UBE2E2: variants seen among roughly 807,000 people sequenced by gnomAD.
The protein encoded by UBE2E2 is ubiquitin-conjugating enzyme E2 E2.
A neutral mutation model predicts 24.7 loss-of-function variants in UBE2E2; 6 were observed. The ratio of observed to expected loss-of-function variants is 0.24; its 90% CI spans 0.13 to 0.48. The LOEUF (loss-of-function observed/expected upper bound fraction) is 0.48, where lower values mean the gene tolerates loss of function less well. Ranked by LOEUF, UBE2E2 falls within the 20% of genes least tolerant of loss-of-function variation. The pLI, the probability that UBE2E2 is intolerant of heterozygous loss-of-function variation, is 0.99. For synonymous variants in UBE2E2, 104 were observed against 83.6 expected (o/e 1.24, Z -1.33); for missense variants, 169 against 245.0 (o/e 0.69, Z 2.07).
intron 5 of UBE2E2, among the ~76,000 whole-genome samples, chr3:23,578,238 C>T (rs1339080950): frequency 6.6e-6 from 1 of 152,146 alleles, no homozygotes; most frequent in Non-Finnish European, 1.5e-5. Context: ...GAGATATCAT[C>T]TCATGCCAGT....
intron 4 of UBE2E2, among the ~76,000 whole-genome samples, chr3:23,500,485 G>T (rs1332208371): frequency 6.6e-6 from 1 of 152,030 alleles, no homozygotes; most frequent in Non-Finnish European, 1.5e-5. Flanking sequence ...TAAATATTGT[G>T]TCGTCTCCAT....
intron 5 of UBE2E2, among the ~76,000 whole-genome samples, chr3:23,558,831 A>T (rs1695851491): frequency 6.6e-6 from 1 of 152,194 alleles, no homozygotes; most frequent in Admixed American, 6.5e-5. Flanking sequence ...GAGCTGAGGC[A>T]AGAGGGTCCC....
At chr3:23,226,406 G>A (rs1193866516) in intron 3 of UBE2E2, among the ~76,000 whole-genome samples, 8 of 151,980 alleles carry the variant, frequency 5.3e-5, no homozygotes, top group Non-Finnish European at 1.5e-5. Context: ...TTTAACTTTT[G>A]AAGGATTTCT....
At chr3:23,326,749 GTCCCATGTTGGTGC>G (rs1188164862) in intron 3 of UBE2E2, among the ~76,000 whole-genome samples, 2 of 152,184 alleles carry the variant, frequency 1.3e-5, no homozygotes, top group Admixed American at 6.5e-5. Flanking sequence ...ATGTGTACAT[GTCCCATGTTGGTGC>G]GCTGCACCCA....
intron 3 of UBE2E2, among the ~76,000 whole-genome samples, chr3:23,488,107 A>G (rs17013356): frequency 0.014 from 2,174 of 152,328 alleles, 53 homozygotes; most frequent in African/African-American, 0.05. Context: ...AGATGTTCTC[A>G]GCCAAAGAGA....
chr3:23,489,684 T>G (rs147729128), intron 3 of UBE2E2, among the ~76,000 whole-genome samples: 8 of 152,202 alleles, frequency 5.3e-5, no homozygotes, highest in Non-Finnish European at 8.8e-5. Context: ...TAAATACACA[T>G]GAAGCTTTGC....
intron 5 of UBE2E2, among the ~76,000 whole-genome samples, chr3:23,552,866 C>T (rs905486407): frequency 3.9e-5 from 6 of 152,124 alleles, no homozygotes; most frequent in African/African-American, 1.2e-4. Flanking sequence ...GTCTTTATTC[C>T]ATGCTGTTTT....
chr3:23,572,533 C>T (rs985584071), intron 5 of UBE2E2, among the ~76,000 whole-genome samples: 3 of 152,140 alleles, frequency 2.0e-5, no homozygotes, highest in African/African-American at 4.8e-5. Context: ...CCCCCTTCCC[C>T]GACTCTCACT....
At chr3:23,507,503 A>G (rs1694484263) in intron 4 of UBE2E2, among the ~76,000 whole-genome samples, 1 of 152,214 alleles carries the variant, frequency 6.6e-6, no homozygotes, top group Non-Finnish European at 1.5e-5. Context: ...GAATTAGTTA[A>G]ATGCATGTAA....
intron 3 of UBE2E2, among the ~76,000 whole-genome samples, chr3:23,268,934 C>G (rs1470656955): frequency 4.6e-5 from 7 of 152,012 alleles, no homozygotes; most frequent in South Asian, 2.1e-4. Flanking sequence ...ACAAACCTGA[C>G]AAAAACAAGC....
At chr3:23,566,649 G>A (rs771680384) in intron 5 of UBE2E2, among the ~76,000 whole-genome samples, 1 of 152,096 alleles carries the variant, frequency 6.6e-6, no homozygotes, top group Admixed American at 6.5e-5. Flanking sequence ...GAGCAAAAAC[G>A]AAAGCAAGAA....
At chr3:23,348,347 C>A (rs1376816964) in intron 3 of UBE2E2, among the ~76,000 whole-genome samples, 875 of 121,248 alleles carry the variant, frequency 7.2e-3, no homozygotes, top group African/African-American at 9.2e-3. Flanking sequence ...GTGCTGCTTT[C>A]AAAAAAAAAA....
chr3:23,468,358 G>A (rs1359720898), intron 3 of UBE2E2, among the ~76,000 whole-genome samples: 1 of 152,178 alleles, frequency 6.6e-6, no homozygotes, highest in Non-Finnish European at 1.5e-5. Context: ...GAGCAAAGAA[G>A]ACTGTACCTA....
chr3:23,258,875 A>G (rs759190179), intron 3 of UBE2E2, among the ~76,000 whole-genome samples: 113 of 139,756 alleles, frequency 8.1e-4, no homozygotes, highest in Non-Finnish European at 1.2e-3. Flanking sequence ...CCTGGGTGAC[A>G]GAGAGAGACT....
rs1698473108 is a variant in UBE2E2 at position 23,280,636 on chromosome 3, T to C, written c.227+63324T>C. On this transcript the variant is annotated intron_variant, in intron 3 of 5. Transcript: ENST00000396703. The surrounding 1 kb of genome is among the most constrained non-coding windows in gnomAD (Gnocchi z 4.3). ...CTCACTCAGAAATGGTGCCTTCTTT[T>C]GGTGGCATTTGCCATAATTGTCCTA... Among the ~76,000 whole-genome samples, 1 of 152,162 alleles carries C rather than the reference T, an allele frequency of 6.6e-6. No individual in the cohort carries two copies. The highest frequency in any genetic ancestry group is 2.4e-5 in the African/African-American group (1 of 41,436).
chr3:23,217,423 T>C lies in UBE2E2; in HGVS notation c.227+111T>C. On this transcript the variant is annotated intron_variant, in intron 3 of 5. Transcript: ENST00000396703. ...GTCTGATTAATTAGTAAAAACATCA[T>C]TGTTGTTTGAACTTAAGTGACTGTG... The C allele has an allele frequency of 5.0e-6, 5 of 995,020 alleles. No individual in the cohort carries two copies. The South Asian group carries it at 7.1e-5, about 14-fold the overall frequency. 61.6% of individuals were successfully genotyped at this position (995,020 alleles called of 1,614,324 possible). A position where few individuals can be genotyped will look rare whatever the true frequency, so the allele number is the denominator to read the frequency against.
chr3:23,210,905 A>G (rs1372273891), intron 2 of UBE2E2, among the ~76,000 whole-genome samples: 1 of 152,200 alleles, frequency 6.6e-6, no homozygotes, highest in Non-Finnish European at 1.5e-5. Context: ...TATTTATTTT[A>G]AATATAAAAA....
At chr3:23,432,499 T>G (rs1229721562) in intron 3 of UBE2E2, among the ~76,000 whole-genome samples, 3 of 152,064 alleles carry the variant, frequency 2.0e-5, no homozygotes, top group African/African-American at 7.2e-5. Flanking sequence ...AGGCTTTTTA[T>G]GTAAGTGCAT....
rs536433741 is a variant in UBE2E2 at position 23,227,430 on chromosome 3, A to G, written c.227+10118A>G. 7.2e-5 allele frequency among the ~76,000 whole-genome samples: 11 copies of G among 152,336 alleles called. No homozygotes were observed. In the South Asian group the frequency reaches 1.9e-3, roughly 26 times the overall value. On this transcript the variant is annotated intron_variant, in intron 3 of 5. Coordinates refer to ENST00000396703, the MANE Select transcript of UBE2E2 (RefSeq NM_152653.4). Reference sequence around the variant, plus strand: ...TGTGAATAACTGAAAGTTTATGTGAATGTGTATTGGTTAGCAAAATGCTGG... The same window carrying G: ...TGTGAATAACTGAAAGTTTATGTGAGTGTGTATTGGTTAGCAAAATGCTGG...
Sources: allele counts gnomAD v4.1 joint callset (sites outside exome capture counted in the v4.1 genomes callset), GRCh38; gene constraint gnomAD v4.1.1; non-coding constraint Gnocchi (gnomAD v3.1); transcripts MANE v1.5; gene names NCBI Gene and HGNC (gene_info 2026-07-23, HGNC 2026-07-21).